Variants in MARCHF1 observed in about 807,000 individuals in gnomAD.
The protein encoded by MARCHF1 is E3 ubiquitin-protein ligase MARCHF1.
Under a neutral mutation model 54.2 loss-of-function variants are expected in MARCHF1, and 40 were observed. The observed-to-expected ratio is 0.74, with a 90% CI of 0.57 to 0.96. The LOEUF is 0.96. Among genes scored for constraint, MARCHF1 ranks in the 40% least tolerant of loss-of-function variants. The probability of loss-of-function intolerance (pLI) is 0.00; values close to 1 mark genes in which losing one functional copy is unlikely to be tolerated. For missense variants in MARCHF1, 586 were observed against 656.5 expected (o/e 0.89, Z 1.17); for synonymous variants, 236 against 236.3 (o/e 1.00, Z 0.01).
intron 2 of MARCHF1, among the ~76,000 whole-genome samples, chr4:164,076,748 A>T (rs1419712971): frequency 6.6e-6 from 1 of 152,214 alleles, no homozygotes; most frequent in Non-Finnish European, 1.5e-5. Context: ...AATAAGAGAC[A>T]GAGAGCCAAA....
intron 5 of MARCHF1, among the ~76,000 whole-genome samples, chr4:163,626,054 T>C (rs1425652550): frequency 6.6e-6 from 1 of 152,198 alleles, no homozygotes; most frequent in Non-Finnish European, 1.5e-5. Context: ...CAGAATAATA[T>C]GTTCTTTGAA....
chr4:163,989,710 T>C (rs892708571), intron 2 of MARCHF1, among the ~76,000 whole-genome samples: 3 of 152,222 alleles, frequency 2.0e-5, no homozygotes, highest in African/African-American at 7.2e-5. Flanking sequence ...TAAAAATAAC[T>C]TTCCCGCATG....
rs544583298 is a variant in MARCHF1 at position 164,319,367 on chromosome 4, T to TC, written c.-323+64502dup. On this transcript the variant is annotated intron_variant, in intron 1 of 9. Transcript: ENST00000514618. ...TATCCACAGGGGTCCTGGAACCAAT[T>TC]CCCCATGGATACCAAGGAATGACTG... Among the ~76,000 whole-genome samples the TC allele has an allele frequency of 1.2e-3, 188 of 152,148 alleles. 1 individual carries two copies. Among genetic ancestry groups the TC allele is most frequent in the Admixed American group, 4.9e-3 (74 of 15,256 alleles).
chr4:163,867,883 C>T (rs1750088463), intron 3 of MARCHF1, among the ~76,000 whole-genome samples: 1 of 147,310 alleles, frequency 6.8e-6, no homozygotes, highest in Non-Finnish European at 1.5e-5. Context: ...TATTCATTTC[C>T]CTGTTATTTC....
chr4:164,326,382 G>A (rs779336653), intron 1 of MARCHF1, among the ~76,000 whole-genome samples: 7 of 152,132 alleles, frequency 4.6e-5, no homozygotes, highest in African/African-American at 9.7e-5. Context: ...TTTCATGACC[G>A]AAAAGTTGTT....
intron 1 of MARCHF1, among the ~76,000 whole-genome samples, chr4:164,198,357 G>C (rs1402443869): frequency 6.6e-6 from 1 of 152,090 alleles, no homozygotes; most frequent in Non-Finnish European, 1.5e-5. Context: ...TACGGCAAGT[G>C]GTAGAGGAAT....
chr4:164,199,691 G>GAGAGAGAGAGAGAA (rs1731397983), intron 1 of MARCHF1, among the ~76,000 whole-genome samples: 1 of 140,042 alleles, frequency 7.1e-6, no homozygotes, highest in African/African-American at 2.6e-5. Context: ...CAGAGAGAGA[G>GAGAGAGAGAGAGAA]AGAGAGAGAG....
chr4:164,098,687 G>C (rs1755468345), intron 2 of MARCHF1, among the ~76,000 whole-genome samples: 2 of 152,234 alleles, frequency 1.3e-5, no homozygotes, highest in African/African-American at 2.4e-5. Context: ...TTCATGATCT[G>C]TTCAGTCACA....
chr4:164,307,105 A>G (rs766441351), intron 1 of MARCHF1, among the ~76,000 whole-genome samples: 29 of 152,190 alleles, frequency 1.9e-4, no homozygotes, highest in Non-Finnish European at 3.5e-4. Flanking sequence ...GGGGGAACAC[A>G]GGAGATGCAG....
chr4:164,143,553 T>A (rs13128965), intron 1 of MARCHF1, among the ~76,000 whole-genome samples: 1 of 150,720 alleles, frequency 6.6e-6, no homozygotes, highest in Non-Finnish European at 1.5e-5. Context: ...CAACCCAGAA[T>A]TTCATATCCA....
At chr4:163,650,544 T>A (rs185288753) in intron 5 of MARCHF1, among the ~76,000 whole-genome samples, 1 of 152,088 alleles carries the variant, frequency 6.6e-6, no homozygotes, top group East Asian at 1.9e-4. Flanking sequence ...TTATATTAAA[T>A]CAGGTGTAAA....
intron 3 of MARCHF1, among the ~76,000 whole-genome samples, chr4:163,948,080 C>T (rs1050783938): frequency 1.3e-5 from 2 of 152,130 alleles, no homozygotes; most frequent in Non-Finnish European, 2.9e-5. Context: ...GTTTCTTTGC[C>T]ACATTGTGTC....
rs141992492 is a variant in MARCHF1 at position 164,305,201 on chromosome 4, T to C, written c.-323+78669A>G. 7.3e-3 allele frequency among the ~76,000 whole-genome samples: 1,115 copies of C among 152,236 alleles called. 11 individuals are homozygous for C. Among genetic ancestry groups the C allele is most frequent in the African/African-American group, 0.025 (1,047 of 41,556 alleles). On this transcript the variant is annotated intron_variant, in intron 1 of 9. Coordinates refer to ENST00000514618, the MANE Select transcript of MARCHF1 (RefSeq NM_001394959.1). ...GCAAAATCCCCACCCTATAATGCATTGCATCCTAGTTGTAAAGACAAATAC... is the reference window on the plus strand; with the variant it reads ...GCAAAATCCCCACCCTATAATGCATCGCATCCTAGTTGTAAAGACAAATAC...
At chr4:164,338,777 A>G (rs943020873) in intron 1 of MARCHF1, among the ~76,000 whole-genome samples, 1 of 152,162 alleles carries the variant, frequency 6.6e-6, no homozygotes, top group African/African-American at 2.4e-5. Context: ...GTTTGAGACC[A>G]GCCTTACCAC....
In MARCHF1 at chr4:163,654,589, A is replaced by T. The variant is rs990392216; in HGVS notation, c.163-41196T>A. On this transcript the variant is annotated intron_variant, in intron 5 of 9. Transcript: ENST00000514618. Reference sequence around the variant, plus strand: ...GAGATCTTTTGGGTGAATTGTTCTCATTCTATAGTGTTCCTCTTCATCTTT... The same window carrying T: ...GAGATCTTTTGGGTGAATTGTTCTCTTTCTATAGTGTTCCTCTTCATCTTT... 1.1e-4 allele frequency among the ~76,000 whole-genome samples: 16 copies of T among 151,788 alleles called. No individual in the cohort carries two copies. In the Middle Eastern group the frequency reaches 0.01, roughly 97 times the overall value.
At chr4:164,110,660 G>T (rs1277661824) in intron 2 of MARCHF1, among the ~76,000 whole-genome samples, 1 of 149,324 alleles carries the variant, frequency 6.7e-6, no homozygotes. Context: ...ACTATGAGGC[G>T]ATACAATCAT....
intron 5 of MARCHF1, among the ~76,000 whole-genome samples, chr4:163,676,810 A>G (rs189678618): frequency 3.2e-4 from 49 of 152,280 alleles, no homozygotes; most frequent in African/African-American, 9.6e-4. Flanking sequence ...GAAACAAAAT[A>G]AAAGACAAAA....
At chr4:163,660,362 A>G (rs2111097573) in intron 5 of MARCHF1, among the ~76,000 whole-genome samples, 1 of 152,114 alleles carries the variant, frequency 6.6e-6, no homozygotes, top group East Asian at 2.0e-4. Flanking sequence ...ATGAGAACAC[A>G]TGGACACAAG....
intron 4 of MARCHF1, among the ~76,000 whole-genome samples, chr4:163,821,795 T>G (rs1446891305): frequency 4.7e-4 from 1 of 2,118 alleles, no homozygotes; most frequent in Non-Finnish European, 3.1e-3. Context: ...AAAAGAGGGT[T>G]TTTTTTTTTT....
Sources: gnomAD v4.1 joint callset for allele counts (sites outside exome capture counted in the v4.1 genomes callset) on GRCh38, gnomAD v4.1.1 for gene constraint, MANE v1.5 for transcripts, NCBI Gene and HGNC (gene_info 2026-07-23, HGNC 2026-07-21) for gene names.